PAICS: variants seen among roughly 807,000 people sequenced by gnomAD.
The protein encoded by PAICS is phosphoribosylaminoimidazole carboxylase and phosphoribosylaminoimidazolesuccinocarboxamide synthase, also known as bifunctional phosphoribosylaminoimidazole carboxylase/phosphoribosylaminoimidazole succinocarboxamide synthetase.
PAICS carries 33 observed loss-of-function variants against 53.7 expected under a neutral mutation model. The observed-to-expected ratio is 0.61, with a 90% CI of 0.47 to 0.82. PAICS has a LOEUF of 0.82. Ranked by LOEUF, PAICS falls within the 40% of genes least tolerant of loss-of-function variation. The pLI, the probability that PAICS is intolerant of heterozygous loss-of-function variation, is 0.00. For missense variants in PAICS, 394 were observed against 494.1 expected (o/e 0.80, Z 1.92); for synonymous variants, 141 against 167.2 (o/e 0.84, Z 1.21).
chr4:56,417,846 T>C, the PAICS span, among the ~76,000 whole-genome samples: 1 of 150,246 alleles, frequency 6.7e-6, no homozygotes, highest in East Asian at 1.9e-4. Flanking sequence ...TTTTTTGTTT[T>C]TTTTTTTTTT....
the PAICS span, among the ~76,000 whole-genome samples, chr4:56,427,607 C>T: frequency 1.3e-5 from 2 of 149,316 alleles, no homozygotes; most frequent in African/African-American, 2.5e-5. Flanking sequence ...AGGAGGTCCA[C>T]GCCAGCCTCG....
At chr4:56,427,266 T>C in the PAICS span, among the ~76,000 whole-genome samples, 3 of 152,238 alleles carry the variant, frequency 2.0e-5, no homozygotes, top group Non-Finnish European at 2.9e-5. Flanking sequence ...GTTGATCATA[T>C]GGTAATTTGT....
chr4:56,440,422 T>C (rs866071308), intron 1 of PAICS, among the ~76,000 whole-genome samples: 1 of 152,206 alleles, frequency 6.6e-6, no homozygotes, highest in African/African-American at 2.4e-5. Context: ...TTACCTCCAC[T>C]AGCTGGTGAT....
the PAICS span, among the ~76,000 whole-genome samples, chr4:56,413,304 G>A: frequency 3.3e-5 from 5 of 152,046 alleles, no homozygotes; most frequent in Non-Finnish European, 2.9e-5. Context: ...GAGGCGCAAC[G>A]CCACCATGCC....
intron 8 of PAICS, among the ~76,000 whole-genome samples, chr4:56,454,877 G>C (rs1449653645): frequency 1.3e-5 from 2 of 152,012 alleles, no homozygotes; most frequent in Admixed American, 1.3e-4. Context: ...TGGGGATAAG[G>C]CTGGGTGCAG....
chr4:56,453,590 G>T lies in PAICS; in HGVS notation c.953-13G>T. 6.5e-7 allele frequency: 1 copy of T among 1,536,170 alleles called. No homozygotes were observed. Among genetic ancestry groups the T allele is most frequent in the Non-Finnish European group, 8.9e-7 (1 of 1,125,612 alleles). ...GAATGTTTAGCATAATTATACTCTT[G>T]TCATTTCCCTAGGGGATGGCATTCC... is the stretch of plus-strand genomic sequence containing the variant. On this transcript the variant is annotated splice_polypyrimidine_tract_variant and intron_variant, in intron 7 of 8. Transcript: ENST00000512576.
chr4:56,459,839 T>C lies in PAICS; in HGVS notation c.*301T>C, dbSNP rs945988804. 3.5e-5 allele frequency: 7 copies of C among 198,258 alleles called. No individual in the cohort carries two copies. In the East Asian group the frequency reaches 3.6e-4, roughly 10 times the overall value. The allele number at this position is 198,258 out of a possible 1,614,324, so 12.3% of individuals were successfully genotyped here. ...TTAACACTGATTAAATGATCTTAAC[T>C]CCCTCAGCTAAAACTGGCATTACTG... On this transcript the variant is annotated 3_prime_UTR_variant, in exon 9 of 9. Transcript: ENST00000512576.
At chr4:56,424,906 GA>G in the PAICS span, among the ~76,000 whole-genome samples, 1 of 152,192 alleles carries the variant, frequency 6.6e-6, no homozygotes, top group Non-Finnish European at 1.5e-5. Context: ...TTTTAGGTCA[GA>G]GGGGTGGAGT....
intron 7 of PAICS, among the ~76,000 whole-genome samples, chr4:56,452,267 C>G (rs183063993): frequency 1.1e-4 from 16 of 152,274 alleles, no homozygotes; most frequent in South Asian, 2.1e-4. Flanking sequence ...CAAGCTCCAC[C>G]TCCCGGGTTC....
the PAICS span, among the ~76,000 whole-genome samples, chr4:56,417,430 T>A: frequency 6.6e-6 from 1 of 152,316 alleles, no homozygotes; most frequent in African/African-American, 2.4e-5. Flanking sequence ...ATATCATTTG[T>A]ATGATAGGGG....
rs1028488839 is a variant in PAICS, at chr4:56,460,519, A to C, written c.*981A>C. On this transcript the variant is annotated 3_prime_UTR_variant, in exon 9 of 9. Coordinates refer to ENST00000512576, the MANE Select transcript of PAICS (RefSeq NM_001079524.2). ...CACCCTTTTCCAAGTTGATTGCCCA[A>C]GGACTTCTAACAATAAACTCTCTTT... The C allele has an allele frequency of 1.3e-5, 2 of 152,246 alleles. No homozygotes were observed. The highest frequency in any genetic ancestry group is 4.8e-5 in the African/African-American group (2 of 41,460). The allele number at this position is 152,246 out of a possible 1,614,324, so 9.4% of individuals were successfully genotyped here.
In PAICS at chr4:56,452,053, G is replaced by A; in HGVS notation, c.952+1G>A. The A allele has an allele frequency of 6.3e-7, 1 of 1,578,658 alleles. No homozygotes were observed. The highest frequency in any genetic ancestry group is 8.7e-7 in the Non-Finnish European group (1 of 1,154,226). On this transcript the variant is annotated splice_donor_variant, in intron 7 of 8. Coordinates refer to ENST00000512576, the MANE Select transcript of PAICS (RefSeq NM_001079524.2). LOFTEE classifies it high-confidence loss of function. ...CTGAGGATTAAAGCTGAGTATGAAG[G>A]TAAACCACAAGTAATATGGACATTT...
chr4:56,440,463 T>G (rs1000881169), intron 1 of PAICS, among the ~76,000 whole-genome samples: 2 of 152,168 alleles, frequency 1.3e-5, no homozygotes, highest in African/African-American at 4.8e-5. Context: ...AAGTCTTGTC[T>G]CCTGCCATTC....
chr4:56,427,115 G>C, the PAICS span, among the ~76,000 whole-genome samples: 1 of 152,098 alleles, frequency 6.6e-6, no homozygotes, highest in Non-Finnish European at 1.5e-5. Context: ...ACACCATTTT[G>C]TTTATTCATC....
intron 8 of PAICS, among the ~76,000 whole-genome samples, chr4:56,454,801 T>C (rs1459671373): frequency 1.3e-5 from 2 of 152,150 alleles, no homozygotes; most frequent in Non-Finnish European, 2.9e-5. Context: ...GGTATTGATT[T>C]TTTTTTTTAA....
intron 1 of PAICS, chr4:56,436,582 T>C (rs1717985186): frequency 4.3e-6 from 3 of 697,764 alleles, no homozygotes; most frequent in African/African-American, 1.8e-5. Flanking sequence ...GTATTATTTA[T>C]AATCAATAGC....
Position 56,449,924 on chromosome 4 carries a change from G to A in PAICS, c.688-695G>A, listed in dbSNP as rs532355908. ...CGGGAGGTGGAGGTTGCAGTGAGCCGAGATTGTGCCACTGCACTCCAACCT... is the reference window on the plus strand; with the variant it reads ...CGGGAGGTGGAGGTTGCAGTGAGCCAAGATTGTGCCACTGCACTCCAACCT... On this transcript the variant is annotated intron_variant, in intron 5 of 8. Coordinates refer to ENST00000512576, the MANE Select transcript of PAICS (RefSeq NM_001079524.2). Among the ~76,000 whole-genome samples, 55 of 150,774 alleles carry A rather than the reference G, an allele frequency of 3.6e-4. 1 individual carries two copies. Among genetic ancestry groups the A allele is most frequent in the African/African-American group, 1.1e-3 (46 of 40,978 alleles).
chr4:56,430,308 C>T, the PAICS span, among the ~76,000 whole-genome samples: 5 of 152,116 alleles, frequency 3.3e-5, no homozygotes, highest in Admixed American at 6.6e-5. Context: ...AAGCACTTTA[C>T]ATATATTAAC....
the PAICS span, among the ~76,000 whole-genome samples, chr4:56,417,330 T>C: frequency 1.3e-5 from 2 of 151,786 alleles, no homozygotes; most frequent in African/African-American, 4.8e-5. Context: ...AGCAAAGACA[T>C]TAAATACACC....
Sources: allele counts gnomAD v4.1 joint callset (sites outside exome capture counted in the v4.1 genomes callset), GRCh38; gene constraint gnomAD v4.1.1; transcripts MANE v1.5; gene names NCBI Gene and HGNC (gene_info 2026-07-23, HGNC 2026-07-21).